The following MGMT variants were observed in gnomAD, a reference collection of about 807,000 sequenced individuals.
The protein encoded by MGMT is O-6-methylguanine-DNA methyltransferase, also known as methylated-DNA--protein-cysteine methyltransferase.
Under a neutral mutation model 15.9 loss-of-function variants are expected in MGMT, and 14 were observed. That is an observed-to-expected ratio of 0.88 (90% confidence interval 0.58 to 1.37). The LOEUF (loss-of-function observed/expected upper bound fraction) is 1.37. Among genes scored for constraint, MGMT ranks in the 40% most tolerant of loss-of-function variants. MGMT has a pLI of 0.00. For missense variants in MGMT, 282 were observed against 268.1 expected (o/e 1.05, Z -0.36); for synonymous variants, 130 against 118.2 (o/e 1.10, Z -0.65).
chr10:129,565,208 G>A (rs998155749), intron 2 of MGMT, among the ~76,000 whole-genome samples: 30 of 151,994 alleles, frequency 2.0e-4, no homozygotes, highest in African/African-American at 7.0e-4. Context: ...ACTGAGGACC[G>A]TGTCCCAGTG....
intron 3 of MGMT, among the ~76,000 whole-genome samples, chr10:129,737,138 A>G (rs1848572851): frequency 6.6e-6 from 1 of 152,146 alleles, no homozygotes; most frequent in Admixed American, 6.5e-5. Flanking sequence ...CTCCTGGATA[A>G]TATCCTGCAG....
At chr10:129,692,625 C>T (rs1847982317) in intron 2 of MGMT, among the ~76,000 whole-genome samples, 1 of 152,112 alleles carries the variant, frequency 6.6e-6, no homozygotes, top group Non-Finnish European at 1.5e-5. Context: ...GGGATGGGGA[C>T]GCAAGGGCAG....
At chr10:129,686,563 T>A (rs1249827645) in intron 2 of MGMT, among the ~76,000 whole-genome samples, 1 of 52,014 alleles carries the variant, frequency 1.9e-5, no homozygotes, top group Non-Finnish European at 3.4e-5. Flanking sequence ...TTGGTAGAAA[T>A]GGGGTTTTCT....
chr10:129,556,974 G>A lies in MGMT; in HGVS notation c.125+20597G>A, dbSNP rs998779816. ...TCACCGTCTTTCAGAACGTTTGTGCGGTGGCGTGTCCCTTCTGTAAATTGC... is the reference window on the plus strand; with the variant it reads ...TCACCGTCTTTCAGAACGTTTGTGCAGTGGCGTGTCCCTTCTGTAAATTGC... On this transcript the variant is annotated intron_variant, in intron 2 of 4. Coordinates refer to ENST00000651593, the MANE Select transcript of MGMT (RefSeq NM_002412.5). The surrounding 1 kb of genome is among the most constrained non-coding windows in gnomAD (Gnocchi z 4.3). 6.6e-6 allele frequency among the ~76,000 whole-genome samples: 1 copy of A among 152,106 alleles called. No individual in the cohort carries two copies. The highest frequency in any genetic ancestry group is 2.4e-5 in the African/African-American group (1 of 41,388).
intron 2 of MGMT, among the ~76,000 whole-genome samples, chr10:129,615,596 C>T (rs914933836): frequency 1.3e-5 from 2 of 152,188 alleles, no homozygotes; most frequent in African/African-American, 4.8e-5. Flanking sequence ...TGCCCCAGTG[C>T]AGGCGGTGTC....
chr10:129,583,259 A>G (rs1404077141), intron 2 of MGMT, among the ~76,000 whole-genome samples: 2 of 152,224 alleles, frequency 1.3e-5, no homozygotes, highest in Admixed American at 6.5e-5. Context: ...CATTTAACCA[A>G]TCTAACAGTA....
At chr10:129,691,190 C>T (rs1282456308) in intron 2 of MGMT, among the ~76,000 whole-genome samples, 1 of 152,212 alleles carries the variant, frequency 6.6e-6, no homozygotes, top group East Asian at 1.9e-4. Context: ...TGACCAGGTT[C>T]CAGGTGGCTG....
intron 2 of MGMT, among the ~76,000 whole-genome samples, chr10:129,587,086 A>G (rs377428061): frequency 1.2e-4 from 19 of 152,364 alleles, no homozygotes; most frequent in African/African-American, 4.3e-4. Flanking sequence ...GTTTCGGACC[A>G]GAAATCTGCT....
chr10:129,669,819 C>T (rs1264547402), intron 2 of MGMT, among the ~76,000 whole-genome samples: 1 of 152,176 alleles, frequency 6.6e-6, no homozygotes, highest in Non-Finnish European at 1.5e-5. Flanking sequence ...CTTTTCATCA[C>T]AATAACTTTA....
intron 2 of MGMT, among the ~76,000 whole-genome samples, chr10:129,652,259 T>TG (rs559972846): frequency 2.0e-4 from 30 of 152,278 alleles, no homozygotes; most frequent in East Asian, 9.7e-4. Context: ...GCTTCAGAAC[T>TG]GGGGGGCTCG....
intron 2 of MGMT, among the ~76,000 whole-genome samples, chr10:129,651,253 C>T (rs1470616641): frequency 1.3e-5 from 2 of 152,116 alleles, no homozygotes; most frequent in African/African-American, 4.8e-5. Flanking sequence ...CTTAGGTGCT[C>T]GTTTCTCCAG....
intron 2 of MGMT, chr10:129,563,957 A>G (rs144546297): frequency 0.011 from 1,649 of 152,404 alleles, 33 homozygotes; most frequent in Non-Finnish European, 0.012. Context: ...CTCCCTTGCC[A>G]TCCTTTGGCC....
chr10:129,646,754 A>ATATATATTTTTTTTTTTTTTTTTTTTTTT, intron 2 of MGMT, among the ~76,000 whole-genome samples: 1 of 86,676 alleles, frequency 1.2e-5, no homozygotes, highest in Non-Finnish European at 2.6e-5. Context: ...ATATATATAT[A>ATATATATTTTTTTTTTTTTTTTTTTTTTT]TTTTCAGGGA....
intron 2 of MGMT, among the ~76,000 whole-genome samples, chr10:129,558,559 G>C (rs1015179009): frequency 1.6e-4 from 25 of 152,150 alleles, no homozygotes; most frequent in African/African-American, 6.0e-4. Context: ...TTTTCACCAA[G>C]TTAGCAAATT....
intron 2 of MGMT, among the ~76,000 whole-genome samples, chr10:129,676,226 C>T (rs1248563971): frequency 1.3e-5 from 2 of 152,190 alleles, no homozygotes; most frequent in African/African-American, 4.8e-5. Context: ...TACTGAGCCT[C>T]CTTCACTTCC....
chr10:129,765,144 C>T (rs1200423791), intron 4 of MGMT, among the ~76,000 whole-genome samples: 4 of 152,272 alleles, frequency 2.6e-5, no homozygotes, highest in Admixed American at 6.5e-5. Flanking sequence ...TCCCCCCACA[C>T]GTCCCCCGAG....
intron 3 of MGMT, among the ~76,000 whole-genome samples, chr10:129,752,043 T>C (rs1293009033): frequency 6.6e-6 from 1 of 152,022 alleles, no homozygotes; most frequent in Non-Finnish European, 1.5e-5. Context: ...TATTTTTTAT[T>C]TGTGTATCTT....
rs570067257 is a variant in MGMT at position 129,623,218 on chromosome 10, GAC to G, written c.126-84673_126-84672del. Among the ~76,000 whole-genome samples, 384 of 152,304 alleles carry G rather than the reference GAC, an allele frequency of 2.5e-3. 1 individual carries two copies. Among genetic ancestry groups the G allele is most frequent in the African/African-American group, 8.8e-3 (364 of 41,572 alleles). On this transcript the variant is annotated intron_variant, in intron 2 of 4. Transcript: ENST00000651593. The stretch of plus-strand genomic sequence containing the variant: ...GCATACAGTCTAGTTATGAAGAGAA[GAC>G]ACAAAACACCCAGTCACATCACTGT...
At chr10:129,693,319 A>G (rs1213483354) in intron 2 of MGMT, among the ~76,000 whole-genome samples, 1 of 152,172 alleles carries the variant, frequency 6.6e-6, no homozygotes, top group African/African-American at 2.4e-5. Context: ...TGTAATATTA[A>G]TTTGCAATTG....
Sources: allele counts gnomAD v4.1 joint callset (sites outside exome capture counted in the v4.1 genomes callset), GRCh38; gene constraint gnomAD v4.1.1; non-coding constraint Gnocchi (gnomAD v3.1); transcripts MANE v1.5; gene names NCBI Gene and HGNC (gene_info 2026-07-23, HGNC 2026-07-21).